SNX4: variants seen among roughly 807,000 people sequenced by gnomAD.
SNX4 encodes sorting nexin 4, also known as sorting nexin-4.
Under a neutral mutation model 70.8 loss-of-function variants are expected in SNX4, and 49 were observed. The observed-to-expected ratio is 0.69, with a 90% confidence interval of 0.55 to 0.88. The LOEUF (loss-of-function observed/expected upper bound fraction) is 0.88, where lower values mean the gene tolerates loss of function less well. SNX4 is among the 40% of genes least tolerant of loss of function. The pLI, the probability that SNX4 is intolerant of heterozygous loss-of-function variation, is 0.00. For synonymous variants in SNX4, 206 were observed against 183.8 expected (o/e 1.12, Z -0.98); for missense variants, 528 against 544.8 (o/e 0.97, Z 0.31).
At chr3:125,451,091 C>T (rs917985014) in intron 13 of SNX4, among the ~76,000 whole-genome samples, 1 of 150,674 alleles carries the variant, frequency 6.6e-6, no homozygotes, top group African/African-American at 2.5e-5. Flanking sequence ...CATAGCGAGA[C>T]CCCCCCATAT....
chr3:125,485,301 C>CT (rs1239735196), intron 6 of SNX4, among the ~76,000 whole-genome samples: 2 of 151,942 alleles, frequency 1.3e-5, no homozygotes, highest in Admixed American at 1.3e-4. Context: ...TTTTATATGG[C>CT]TTTCCTTTTT....
chr3:125,453,759 C>A (rs1933637833), intron 12 of SNX4, 51 bp downstream of exon 12: 2 of 1,479,184 alleles, frequency 1.4e-6, no homozygotes, highest in South Asian at 1.4e-5. Context: ...ATAAAATAAT[C>A]TACCATATAG....
At chr3:125,459,046 T>C (rs1255614846) in intron 10 of SNX4, among the ~76,000 whole-genome samples, 1 of 151,748 alleles carries the variant, frequency 6.6e-6, no homozygotes, top group Non-Finnish European at 1.5e-5. Context: ...TGGTGGTGCA[T>C]GCCTGTAATC....
At chr3:125,447,914 C>T (rs1417174832) in intron 13 of SNX4, 88 bp from the exon 14 acceptor site, 9 of 781,574 alleles carry the variant, frequency 1.2e-5, no homozygotes, top group South Asian at 1.8e-5. Flanking sequence ...CTAAGTTTTG[C>T]TTTTTGGAAT....
At position 125,498,324 on chromosome 3, in the gene SNX4, A is replaced by AT. The variant is rs374291058; in HGVS notation, c.264-131dup. ...GCACTAAGTAAAGAACTTTTCATAC[A>AT]TTTTTCTTTTTTTTCAAGACAGGGT... On this transcript the variant is annotated intron_variant, in intron 2 of 13. Coordinates refer to ENST00000251775, the MANE Select transcript of SNX4 (RefSeq NM_003794.4). The AT allele has an allele frequency of 5.5e-5, 51 of 929,862 alleles. No individual in the cohort carries two copies. The African/African-American group carries it at 8.0e-4, about 15-fold the overall frequency. The allele number at this position is 929,862 out of a possible 1,614,324, so 57.6% of individuals were successfully genotyped here.
intron 9 of SNX4, 136 bp downstream of exon 9, chr3:125,469,318 A>G: frequency 2.0e-6 from 1 of 494,496 alleles, no homozygotes; most frequent in Non-Finnish European, 3.6e-6. Flanking sequence ...CCTGAGATAA[A>G]TTTAAGTCAG....
At chr3:125,456,099 A>G (rs1933707935) in intron 11 of SNX4, among the ~76,000 whole-genome samples, 1 of 152,264 alleles carries the variant, frequency 6.6e-6, no homozygotes, top group Non-Finnish European at 1.5e-5. Flanking sequence ...GTTGCTCACC[A>G]TGATGGCTGA....
intron 13 of SNX4, 82 bp downstream of exon 13, chr3:125,451,223 A>T: frequency 1.4e-6 from 1 of 712,810 alleles, no homozygotes; most frequent in Non-Finnish European, 2.2e-6. Context: ...AAAATGAAAA[A>T]TTTTTTGGTC....
chr3:125,473,141 A>G (rs1934215510), intron 8 of SNX4, among the ~76,000 whole-genome samples: 1 of 152,170 alleles, frequency 6.6e-6, no homozygotes, highest in Non-Finnish European at 1.5e-5. Context: ...CCACACAGTG[A>G]GCACAGCGCC....
chr3:125,513,022 T>C lies in SNX4; in HGVS notation c.141+7010A>G, dbSNP rs1046157573. On this transcript the variant is annotated intron_variant, in intron 1 of 13. Transcript: ENST00000251775. ...GCCTGTCTGTGCTTCAGTTTCCTCA[T>C]GTGGAAAACAGAGATAATAGTACCT... 4.6e-5 allele frequency among the ~76,000 whole-genome samples: 7 copies of C among 152,194 alleles called. No individual in the cohort carries two copies. In the East Asian group the frequency reaches 7.7e-4, roughly 17 times the overall value.
intron 11 of SNX4, among the ~76,000 whole-genome samples, chr3:125,454,573 T>G (rs1398314545): frequency 1.3e-5 from 2 of 152,206 alleles, no homozygotes; most frequent in Non-Finnish European, 2.9e-5. Flanking sequence ...ACAGGTTACA[T>G]GCAAATACTA....
chr3:125,484,930 G>GTA (rs1237517529), intron 6 of SNX4, among the ~76,000 whole-genome samples: 1 of 152,092 alleles, frequency 6.6e-6, no homozygotes, highest in Non-Finnish European at 1.5e-5. Context: ...GCTGGGCGTG[G>GTA]TGGTGGGCGC....
intron 6 of SNX4, among the ~76,000 whole-genome samples, chr3:125,485,382 C>CCA (rs1934499509): frequency 6.6e-6 from 1 of 152,120 alleles, no homozygotes; most frequent in Non-Finnish European, 1.5e-5. Flanking sequence ...ACTGCAGCCT[C>CCA]CACCTTCCTG....
chr3:125,488,152 TA>T (rs34666615), intron 6 of SNX4, among the ~76,000 whole-genome samples: 61,761 of 120,968 alleles, frequency 0.51, 15,051 homozygotes, highest in African/African-American at 0.65. Context: ...GTAACTGCTG[TA>T]AAAAAAAAAA....
At chr3:125,448,708 C>T (rs1933494291) in intron 13 of SNX4, among the ~76,000 whole-genome samples, 1 of 116,028 alleles carries the variant, frequency 8.6e-6, no homozygotes, top group Non-Finnish European at 1.6e-5. Flanking sequence ...CAGAGTCTTG[C>T]TCTGTCGCCC....
At position 125,463,196 on chromosome 3, in the gene SNX4, G is replaced by T. The variant is rs146595875; in HGVS notation, c.855-2336C>A. Among the ~76,000 whole-genome samples the T allele has an allele frequency of 1.2e-4, 19 of 152,346 alleles. No homozygotes were observed. The East Asian group carries it at 3.7e-3, about 29-fold the overall frequency. On this transcript the variant is annotated intron_variant, in intron 9 of 13. Transcript: ENST00000251775. ...TGTGCTTACAGGATTTATGTAAGCAGTGAACATATACATTCTGTAAGTACA... is the reference window on the plus strand; with the variant it reads ...TGTGCTTACAGGATTTATGTAAGCATTGAACATATACATTCTGTAAGTACA...
chr3:125,491,416 CTTTTTAACACCAGCAA>C (rs2107553800), intron 5 of SNX4, among the ~76,000 whole-genome samples: 1 of 152,234 alleles, frequency 6.6e-6, no homozygotes, highest in East Asian at 1.9e-4. Context: ...GAATCTCATG[CTTTTTAACACCAGCAA>C]TTTATTTTTT....
At chr3:125,499,424 C>T (rs1013901740) in intron 2 of SNX4, among the ~76,000 whole-genome samples, 21 of 152,122 alleles carry the variant, frequency 1.4e-4, no homozygotes, top group Non-Finnish European at 2.8e-4. Context: ...AATAGATGCT[C>T]ATTTTTATCA....
At chr3:125,493,969 G>A (rs1308959369) in intron 5 of SNX4, among the ~76,000 whole-genome samples, 4 of 151,598 alleles carry the variant, frequency 2.6e-5, no homozygotes, top group African/African-American at 7.3e-5. Flanking sequence ...CCCGGAAGGC[G>A]GAGCTTGTAG....
Sources: gnomAD v4.1 joint callset for allele counts (sites outside exome capture counted in the v4.1 genomes callset) on GRCh38, gnomAD v4.1.1 for gene constraint, MANE v1.5 for transcripts, NCBI Gene and HGNC (gene_info 2026-07-23, HGNC 2026-07-21) for gene names.